The following TAFA1 variants were observed in gnomAD, a reference collection of about 807,000 sequenced individuals.
The protein encoded by TAFA1 is chemokine-like protein TAFA-1.
A neutral mutation model predicts 18.5 loss-of-function variants in TAFA1; 4 were observed. That is an observed-to-expected ratio of 0.22 (90% CI 0.11 to 0.49). The LOEUF (loss-of-function observed/expected upper bound fraction) is 0.49. Among genes scored for constraint, TAFA1 ranks in the 20% least tolerant of loss-of-function variants. The pLI is 0.98. For synonymous variants in TAFA1, 56 were observed against 55.2 expected, an observed-to-expected ratio of 1.01 and a Z score of -0.06; for missense variants, 147 against 169.0, an observed-to-expected ratio of 0.87 and a Z score of 0.72.
intron 2 of TAFA1, among the ~76,000 whole-genome samples, chr3:68,321,394 C>G (rs1257341824): frequency 2.0e-5 from 3 of 152,116 alleles, no homozygotes. Context: ...TGGCCATCTC[C>G]TCTGGGGTGT....
intron 2 of TAFA1, among the ~76,000 whole-genome samples, chr3:68,116,771 C>T (rs1318610044): frequency 6.6e-6 from 1 of 152,180 alleles, no homozygotes; most frequent in African/African-American, 2.4e-5. Flanking sequence ...TTCCAAGGCA[C>T]AGAACAAAGG....
chr3:68,182,374 A>G (rs909052509), intron 2 of TAFA1, among the ~76,000 whole-genome samples: 1 of 152,140 alleles, frequency 6.6e-6, no homozygotes, highest in African/African-American at 2.4e-5. Flanking sequence ...CAGTATGGAG[A>G]TACAAATGAA....
chr3:68,417,882 G>A (rs184894038), intron 3 of TAFA1, among the ~76,000 whole-genome samples: 37 of 152,234 alleles, frequency 2.4e-4, no homozygotes, highest in Non-Finnish European at 4.7e-4. Context: ...GCCAGGAAAG[G>A]AGGAAGAGAG....
At chr3:68,265,344 A>C (rs1317221991) in intron 2 of TAFA1, among the ~76,000 whole-genome samples, 3 of 152,156 alleles carry the variant, frequency 2.0e-5, no homozygotes, top group Non-Finnish European at 4.4e-5. Context: ...TGCTTTCTAC[A>C]TCAACCTAAT....
chr3:68,030,722 C>A lies in TAFA1; in HGVS notation c.118+23978C>A, dbSNP rs375078030. Among the ~76,000 whole-genome samples the A allele has an allele frequency of 3.9e-5, 6 of 152,074 alleles. No individual in the cohort carries two copies. In the East Asian group the frequency reaches 9.6e-4, roughly 24 times the overall value. Reference sequence around the variant, plus strand: ...CTATTGTGAACAGTGCTGCAGTAAACCTGTGTGTATGTGTCTTTATAGTAG... The same window carrying A: ...CTATTGTGAACAGTGCTGCAGTAAAACTGTGTGTATGTGTCTTTATAGTAG... On this transcript the variant is annotated intron_variant, in intron 2 of 4. Coordinates refer to ENST00000478136, the MANE Select transcript of TAFA1 (RefSeq NM_213609.4).
At chr3:68,504,506 T>C (rs2072715056) in intron 3 of TAFA1, among the ~76,000 whole-genome samples, 1 of 152,172 alleles carries the variant, frequency 6.6e-6, no homozygotes, top group South Asian at 2.1e-4. Context: ...ACTGGAGCTT[T>C]AAATTGATTT....
chr3:68,132,961 G>A (rs1039468218), intron 2 of TAFA1, among the ~76,000 whole-genome samples: 2 of 152,146 alleles, frequency 1.3e-5, no homozygotes, highest in Admixed American at 6.5e-5. Flanking sequence ...GTCCTGAATG[G>A]TATTGCCTAG....
intron 2 of TAFA1, among the ~76,000 whole-genome samples, chr3:68,084,853 G>T (rs2064952104): frequency 6.6e-6 from 1 of 150,702 alleles, no homozygotes. Flanking sequence ...CCATACTTCA[G>T]TGGGAATCGG....
chr3:68,371,669 T>G (rs886724113), intron 2 of TAFA1, among the ~76,000 whole-genome samples: 1 of 152,226 alleles, frequency 6.6e-6, no homozygotes, highest in Non-Finnish European at 1.5e-5. Context: ...CTATTGTAAA[T>G]AGTGCTGCAA....
intron 2 of TAFA1, among the ~76,000 whole-genome samples, chr3:68,271,017 G>T (rs939067315): frequency 1.3e-5 from 2 of 152,056 alleles, no homozygotes; most frequent in Non-Finnish European, 2.9e-5. Flanking sequence ...TGCTTAAGCC[G>T]AGAAAAATAG....
chr3:68,274,375 A>G (rs1406085734), intron 2 of TAFA1, among the ~76,000 whole-genome samples: 1 of 152,214 alleles, frequency 6.6e-6, no homozygotes, highest in East Asian at 1.9e-4. Context: ...TAGTGTTCAG[A>G]GAAAAATGGT....
chr3:68,493,676 G>T (rs996368767), intron 3 of TAFA1, among the ~76,000 whole-genome samples: 4 of 152,138 alleles, frequency 2.6e-5, no homozygotes, highest in Non-Finnish European at 4.4e-5. Context: ...CCATCCTAAT[G>T]GATGTAAGAG....
chr3:68,038,722 C>G (rs1231935629), intron 2 of TAFA1, among the ~76,000 whole-genome samples: 1 of 151,834 alleles, frequency 6.6e-6, no homozygotes, highest in East Asian at 1.9e-4. Flanking sequence ...GTCAGAAAAG[C>G]AATGACATTA....
chr3:68,059,786 T>G (rs1332946817), intron 2 of TAFA1, among the ~76,000 whole-genome samples: 3 of 152,192 alleles, frequency 2.0e-5, no homozygotes, highest in Non-Finnish European at 4.4e-5. Context: ...TGTAAAAGTG[T>G]GCTTGTTTGA....
At chr3:68,417,086 G>C (rs942330419) in intron 2 of TAFA1, among the ~76,000 whole-genome samples, 194 bp from the exon 3 acceptor site, 2 of 152,132 alleles carry the variant, frequency 1.3e-5, no homozygotes, top group Non-Finnish European at 2.9e-5. Flanking sequence ...GGTATTCTTT[G>C]CTGGTTTGGA....
intron 2 of TAFA1, among the ~76,000 whole-genome samples, chr3:68,170,351 A>G (rs1343574646): frequency 6.6e-6 from 1 of 152,174 alleles, no homozygotes; most frequent in East Asian, 1.9e-4. Flanking sequence ...GCTTGTTTTT[A>G]TACAATCTGA....
At chr3:68,452,075 C>G (rs2071574146) in intron 3 of TAFA1, among the ~76,000 whole-genome samples, 1 of 151,984 alleles carries the variant, frequency 6.6e-6, no homozygotes. Context: ...TGGGAGAAAA[C>G]AAAAGGACCC....
chr3:68,417,209 T>C (rs1396338565), intron 2 of TAFA1, 71 bp from the exon 3 acceptor site: 1 of 1,335,664 alleles, frequency 7.5e-7, no homozygotes, highest in Middle Eastern at 2.4e-4. Flanking sequence ...CCCCGCTACA[T>C]GCACTCCCAG....
chr3:68,018,461 A>T (rs1302519505), intron 2 of TAFA1, among the ~76,000 whole-genome samples: 1 of 152,264 alleles, frequency 6.6e-6, no homozygotes, highest in African/African-American at 2.4e-5. Flanking sequence ...TTTTTAACTT[A>T]CAACAAACTT....
Sources: gnomAD v4.1 joint callset for allele counts (sites outside exome capture counted in the v4.1 genomes callset) on GRCh38, gnomAD v4.1.1 for gene constraint, MANE v1.5 for transcripts, NCBI Gene and HGNC (gene_info 2026-07-23, HGNC 2026-07-21) for gene names.